WDFY3: variants seen among roughly 807,000 people sequenced by gnomAD.
WDFY3 encodes WD repeat and FYVE domain-containing protein 3.
A neutral mutation model predicts 409.6 loss-of-function variants in WDFY3; 66 were observed. The ratio of observed to expected loss-of-function variants is 0.16; its 90% confidence interval spans 0.13 to 0.20. The LOEUF is 0.20. Ranked by LOEUF, WDFY3 falls within the 10% of genes least tolerant of loss-of-function variation. The probability of loss-of-function intolerance (pLI) is 1.00; values close to 1 mark genes in which losing one functional copy is unlikely to be tolerated. For synonymous variants in WDFY3, 1,521 were observed against 1,537.1 expected (o/e 0.99, Z 0.25); for missense variants, 3,031 against 4,298.1 (o/e 0.71, Z 8.24).
intron 1 of WDFY3, among the ~76,000 whole-genome samples, chr4:84,938,388 T>C (rs577315801): frequency 9.2e-5 from 14 of 152,312 alleles, no homozygotes; most frequent in African/African-American, 3.1e-4. Flanking sequence ...TTATTAGACA[T>C]TGTAACTGAT....
chr4:84,868,076 G>A (rs1761651004), intron 3 of WDFY3, among the ~76,000 whole-genome samples: 1 of 145,360 alleles, frequency 6.9e-6, no homozygotes, highest in Non-Finnish European at 1.5e-5. Context: ...GGCTGAGGCA[G>A]GAGAATGGCT....
At position 84,775,124 on chromosome 4, in the gene WDFY3, T is replaced by C. The variant is rs1253356175; in HGVS notation, c.4533A>G (p.Ala1511=). Residue 1511 remains alanine, a synonymous_variant, in exon 28 of 68, where the codon GCA becomes GCG. Coordinates refer to ENST00000295888, the MANE Select transcript of WDFY3 (RefSeq NM_014991.6). ...LLCDFEVWLH[A]PYELHLSLFE... is the part of the protein sequence containing the mutation. The stretch of plus-strand genomic sequence containing the variant: ...ATAAGGAAAGATGAAGTTCATATGG[T>C]GCATGGAGCCAGACCTATAATAAAT... 20 of 1,613,176 alleles carry C rather than the reference T, an allele frequency of 1.2e-5. No individual in the cohort carries two copies. Among genetic ancestry groups the C allele is most frequent in the African/African-American group, 5.3e-5 (4 of 74,902 alleles).
chr4:84,715,632 G>A (rs559468263), intron 49 of WDFY3, among the ~76,000 whole-genome samples: 6 of 151,590 alleles, frequency 4.0e-5, no homozygotes, highest in Non-Finnish European at 5.9e-5. Context: ...AAAATTAGCC[G>A]GCCTTGGTGG....
intron 2 of WDFY3, among the ~76,000 whole-genome samples, chr4:84,904,023 C>T (rs1231829534): frequency 6.6e-6 from 1 of 151,976 alleles, no homozygotes; most frequent in East Asian, 1.9e-4. Flanking sequence ...GGAGGTGGGG[C>T]CTTTGGAAGG....
In WDFY3 at chr4:84,743,730, C is replaced by T; in HGVS notation, c.6043G>A (p.Asp2015Asn). ...FQTYILDSVM[D>N]HLLAADVLLG... is the part of the protein sequence containing the mutation. ...AACACATCAGCTGCAAGCAAATGGTCCATCACGCTATCCAAAATGTAAGTT... is the reference window on the plus strand; with the variant it reads ...AACACATCAGCTGCAAGCAAATGGTTCATCACGCTATCCAAAATGTAAGTT... The change falls in exon 37 of 68, where the codon GAC (aspartate) becomes AAC (asparagine). Residue 2015 changes from aspartate to asparagine, a missense_variant. Coordinates refer to ENST00000295888, the MANE Select transcript of WDFY3 (RefSeq NM_014991.6). 6.3e-7 allele frequency: 1 copy of T among 1,593,110 alleles called. No individual in the cohort carries two copies. Among genetic ancestry groups the T allele is most frequent in the Non-Finnish European group, 8.6e-7 (1 of 1,167,192 alleles).
chr4:84,792,063 C>T (rs1186378730), intron 21 of WDFY3, among the ~76,000 whole-genome samples: 1 of 152,098 alleles, frequency 6.6e-6, no homozygotes, highest in African/African-American at 2.4e-5. Context: ...GTATTTTTCA[C>T]TGCATGTACA....
At chr4:84,735,640 CAG>C (rs1010172034) in intron 42 of WDFY3, among the ~76,000 whole-genome samples, 7 of 152,306 alleles carry the variant, frequency 4.6e-5, no homozygotes, top group Admixed American at 4.6e-4. Flanking sequence ...AACTCCATCT[CAG>C]AGTTTGCTTC....
chr4:84,753,400 G>A (rs1740877212), intron 35 of WDFY3, among the ~76,000 whole-genome samples: 1 of 152,048 alleles, frequency 6.6e-6, no homozygotes, highest in African/African-American at 2.4e-5. Context: ...CTGGCATCGC[G>A]TAAAATAAAT....
rs749983729 is a variant in WDFY3 at position 84,827,029 on chromosome 4, T to A, written c.957-48A>T. ...GTATTTTTTTTCTCTTTGGTTGTGTTCTCAGATTTAACACAAAGTATTTTT... is the reference window on the plus strand; with the variant it reads ...GTATTTTTTTTCTCTTTGGTTGTGTACTCAGATTTAACACAAAGTATTTTT... On this transcript the variant is annotated intron_variant, in intron 9 of 67. Transcript: ENST00000295888. 1.1e-5 allele frequency: 18 copies of A among 1,574,592 alleles called. No homozygotes were observed. In the East Asian group the frequency reaches 4.1e-4, roughly 36 times the overall value.
chr4:84,950,552 G>A (rs1487750346), intron 1 of WDFY3, among the ~76,000 whole-genome samples: 1 of 152,152 alleles, frequency 6.6e-6, no homozygotes, highest in African/African-American at 2.4e-5. Context: ...AGCACTTTGG[G>A]AGGCCAAGGC....
chr4:84,903,959 T>C (rs968859615), intron 2 of WDFY3, among the ~76,000 whole-genome samples: 6 of 152,034 alleles, frequency 3.9e-5, no homozygotes, highest in Admixed American at 2.6e-4. Context: ...ATATTTGTGT[T>C]CCCCCACCTC....
intron 2 of WDFY3, among the ~76,000 whole-genome samples, chr4:84,898,779 T>A (rs951959220): frequency 6.6e-6 from 1 of 152,196 alleles, no homozygotes; most frequent in Non-Finnish European, 1.5e-5. Flanking sequence ...GAAAGTGAAT[T>A]CTGCATCCCT....
Position 84,696,125 on chromosome 4 carries a change from C to T in WDFY3, c.8746G>A (p.Gly2916Ser). The T allele has an allele frequency of 1.2e-6, 2 of 1,614,000 alleles. No individual in the cohort carries two copies. The highest frequency in any genetic ancestry group is 1.7e-6 in the Non-Finnish European group (2 of 1,180,004). Residue 2916 changes from glycine (G) to serine (S), a missense_variant, in exon 58 of 68, where the codon GGT becomes AGT. Around this residue, in one of 16 missense-constraint regions of WDFY3, gnomAD observed 129 missense variants for 305.3 expected, o/e 0.42. Transcript: ENST00000295888. Reference protein sequence around the residue: ...HLHEWIDLIFGYKQQGPAAVE... With the variant: ...HLHEWIDLIFSYKQQGPAAVE... Reference sequence around the variant, plus strand: ...GCAGCAGGGCCTTGCTGTTTATAACCGAAGATTAAGTCAATCCACTCATGT... The same window carrying T: ...GCAGCAGGGCCTTGCTGTTTATAACTGAAGATTAAGTCAATCCACTCATGT...
At chr4:84,713,929 C>A (rs1166765522) in intron 50 of WDFY3, among the ~76,000 whole-genome samples, 1 of 151,720 alleles carries the variant, frequency 6.6e-6, no homozygotes, top group Non-Finnish European at 1.5e-5. Context: ...CCATCCTGGC[C>A]AACATGGTGA....
At chr4:84,927,615 A>C (rs1259110089) in intron 2 of WDFY3, among the ~76,000 whole-genome samples, 1 of 152,066 alleles carries the variant, frequency 6.6e-6, no homozygotes, top group Non-Finnish European at 1.5e-5. Context: ...AGGTAATTGG[A>C]TCATGGCGGA....
rs2904025 is a variant in WDFY3, at chr4:84,741,120, A to G, written c.6234+641T>C. On this transcript the variant is annotated intron_variant, in intron 38 of 67. Transcript: ENST00000295888. The stretch of plus-strand genomic sequence containing the variant: ...ACTGATAAGAGAATATTCTTTTAAT[A>G]TCAACTCTTCATGCTGTGTAAGCCT... 5.5e-3 allele frequency among the ~76,000 whole-genome samples: 843 copies of G among 152,314 alleles called. 2 individuals are homozygous for G. The highest frequency in any genetic ancestry group is 0.041 in the Middle Eastern group (12 of 294).
intron 2 of WDFY3, among the ~76,000 whole-genome samples, chr4:84,900,755 T>C (rs1766241991): frequency 6.6e-6 from 1 of 152,202 alleles, no homozygotes; most frequent in Non-Finnish European, 1.5e-5. Context: ...ATCCTCACTG[T>C]GGTAGCAGTT....
chr4:84,953,554 A>G (rs969177656), intron 1 of WDFY3, among the ~76,000 whole-genome samples: 1 of 152,100 alleles, frequency 6.6e-6, no homozygotes, highest in Non-Finnish European at 1.5e-5. Flanking sequence ...ACACAATAAA[A>G]TGTATTTTTT....
At chr4:84,714,167 C>T (rs545885900) in intron 50 of WDFY3, among the ~76,000 whole-genome samples, 81 of 152,200 alleles carry the variant, frequency 5.3e-4, no homozygotes, top group Non-Finnish European at 9.3e-4. Flanking sequence ...CTCACTCAGG[C>T]TAGAGTGCAG....
Sources: gnomAD v4.1 joint callset for allele counts (sites outside exome capture counted in the v4.1 genomes callset) on GRCh38, gnomAD v4.1.1 for gene constraint, gnomAD v4.1.1 regional missense constraint, MANE v1.5 for transcripts, NCBI Gene and HGNC (gene_info 2026-07-23, HGNC 2026-07-21) for gene names.